RLN2: variants seen among roughly 807,000 people sequenced by gnomAD.
RLN2 encodes the protein relaxin 2.
Under a neutral mutation model 7.3 loss-of-function variants are expected in RLN2, and 10 were observed. That is an observed-to-expected ratio of 1.36 (90% CI 0.84 to 2.31). RLN2 has a LOEUF of 2.31. RLN2 is among the 30% of genes most tolerant of loss of function. RLN2 has a pLI of 0.00. For synonymous variants in RLN2, 103 were observed against 82.3 expected, an observed-to-expected ratio of 1.25 and a Z score of -1.36; for missense variants, 298 against 217.6, an observed-to-expected ratio of 1.37 and a Z score of -2.32.
chr9:5,311,048 A>G, the RLN2 span, among the ~76,000 whole-genome samples: 2 of 152,090 alleles, frequency 1.3e-5, no homozygotes, highest in Non-Finnish European at 2.9e-5. Context: ...ATCTCAGTCC[A>G]AGAATTCACC....
chr9:5,321,865 G>A, the RLN2 span, among the ~76,000 whole-genome samples: 2 of 152,034 alleles, frequency 1.3e-5, no homozygotes, highest in Non-Finnish European at 2.9e-5. Flanking sequence ...TGTCAGCTGT[G>A]CTCAGTACAC....
At chr9:5,317,835 C>G in the RLN2 span, among the ~76,000 whole-genome samples, 1 of 151,950 alleles carries the variant, frequency 6.6e-6, no homozygotes, top group Admixed American at 6.6e-5. Context: ...TAAAACCACA[C>G]TAAGATACCA....
the RLN2 span, among the ~76,000 whole-genome samples, chr9:5,323,552 C>G: frequency 6.6e-6 from 1 of 151,742 alleles, no homozygotes; most frequent in Non-Finnish European, 1.5e-5. Context: ...CCAGTCCTTG[C>G]AACTGACTGT....
chr9:5,332,028 G>A, the RLN2 span, among the ~76,000 whole-genome samples: 23 of 151,634 alleles, frequency 1.5e-4, no homozygotes, highest in Admixed American at 6.6e-5. Context: ...GAAAAAAATG[G>A]GATGAAGGCA....
chr9:5,335,404 A>G, the RLN2 span: 2 of 1,613,720 alleles, frequency 1.2e-6, no homozygotes, highest in Non-Finnish European at 1.7e-6. Flanking sequence ...CACTTTGCCT[A>G]TTGCGAATAA....
At chr9:5,311,940 CA>C in the RLN2 span, among the ~76,000 whole-genome samples, 2 of 151,286 alleles carry the variant, frequency 1.3e-5, no homozygotes, top group African/African-American at 2.4e-5. Flanking sequence ...CTCGTTCAAA[CA>C]AATTTACAAG....
the RLN2 span, among the ~76,000 whole-genome samples, chr9:5,313,953 A>T: frequency 6.6e-6 from 1 of 151,992 alleles, no homozygotes; most frequent in Non-Finnish European, 1.5e-5. Context: ...GATCAGTTGG[A>T]ACCAGGGGGA....
chr9:5,302,221 T>G (rs1045782843), intron 1 of RLN2, among the ~76,000 whole-genome samples: 1 of 152,264 alleles, frequency 6.6e-6, no homozygotes, highest in Non-Finnish European at 1.5e-5. Context: ...ATAACACCTT[T>G]AGCTATGGAA....
chr9:5,316,638 G>T, the RLN2 span, among the ~76,000 whole-genome samples: 1 of 151,894 alleles, frequency 6.6e-6, no homozygotes, highest in African/African-American at 2.4e-5. Context: ...CTTTTTTATG[G>T]CTGCATAGTA....
At chr9:5,332,708 C>T in the RLN2 span, among the ~76,000 whole-genome samples, 5 of 151,480 alleles carry the variant, frequency 3.3e-5, no homozygotes, top group Non-Finnish European at 5.9e-5. Flanking sequence ...CTGCAACTCC[C>T]GGGTTCAAGC....
chr9:5,316,020 T>C, the RLN2 span, among the ~76,000 whole-genome samples: 1 of 152,044 alleles, frequency 6.6e-6, no homozygotes, highest in Non-Finnish European at 1.5e-5. Flanking sequence ...TCAAATTCAC[T>C]GGTAAAGGTA....
chr9:5,331,344 A>G, the RLN2 span, among the ~76,000 whole-genome samples: 1 of 152,052 alleles, frequency 6.6e-6, no homozygotes. Flanking sequence ...AATCCTCAAT[A>G]AATCACGCTA....
At chr9:5,327,797 C>T in the RLN2 span, among the ~76,000 whole-genome samples, 2 of 152,002 alleles carry the variant, frequency 1.3e-5, no homozygotes, top group Non-Finnish European at 2.9e-5. Flanking sequence ...CTGGCAAACT[C>T]CAACACACCT....
At chr9:5,328,277 A>G in the RLN2 span, among the ~76,000 whole-genome samples, 18 of 152,186 alleles carry the variant, frequency 1.2e-4, no homozygotes, top group Admixed American at 9.2e-4. Context: ...ACAAGCTTCA[A>G]TTGCTGATTC....
chr9:5,309,290 T>G (rs1371524823), upstream of RLN2, among the ~76,000 whole-genome samples: 3 of 152,092 alleles, frequency 2.0e-5, no homozygotes, highest in East Asian at 5.8e-4. Context: ...CTGCTCAGCG[T>G]TGATAGAAAA....
the RLN2 span, chr9:5,335,121 A>G: frequency 9.0e-6 from 5 of 554,868 alleles, no homozygotes; most frequent in Non-Finnish European, 1.5e-5. Context: ...TTACACACCA[A>G]ATGAAAAATC....
chr9:5,311,177 A>G, the RLN2 span, among the ~76,000 whole-genome samples: 3 of 152,186 alleles, frequency 2.0e-5, no homozygotes, highest in South Asian at 6.2e-4. Context: ...TAAGATTAGG[A>G]AAAACTGAAG....
the RLN2 span, among the ~76,000 whole-genome samples, chr9:5,322,832 G>A: frequency 0.013 from 2,042 of 151,768 alleles, 68 homozygotes; most frequent in African/African-American, 0.048. Flanking sequence ...TATAATATTG[G>A]GTAGCATTTT....
chr9:5,322,576 G>C, the RLN2 span, among the ~76,000 whole-genome samples: 1 of 151,954 alleles, frequency 6.6e-6, no homozygotes, highest in Non-Finnish European at 1.5e-5. Flanking sequence ...GAAGTCCACA[G>C]AGAACAATTT....
Sources: gnomAD v4.1 joint callset for allele counts (sites outside exome capture counted in the v4.1 genomes callset) on GRCh38, gnomAD v4.1.1 for gene constraint, MANE v1.5 for transcripts, NCBI Gene and HGNC (gene_info 2026-07-23, HGNC 2026-07-21) for gene names.